Variants in SFMBT2 observed in about 807,000 individuals in gnomAD.
SFMBT2 encodes scm-like with four MBT domains protein 2.
Under a neutral mutation model 110.1 loss-of-function variants are expected in SFMBT2, and 38 were observed. The observed-to-expected ratio is 0.35, with a 90% confidence interval of 0.27 to 0.45. SFMBT2 has a LOEUF of 0.45. Ranked by LOEUF, SFMBT2 falls within the 20% of genes least tolerant of loss-of-function variation. The pLI is 1.00. For synonymous variants in SFMBT2, 425 were observed against 425.4 expected (o/e 1.00, Z 0.01); for missense variants, 1,011 against 1,094.9 (o/e 0.92, Z 1.08).
chr10:7,366,421 T>A, intron 4 of SFMBT2, among the ~76,000 whole-genome samples: 3 of 117,948 alleles, frequency 2.5e-5, no homozygotes, highest in African/African-American at 3.3e-5. Context: ...AGAAAAACAA[T>A]ATATCATAAC....
chr10:7,188,793 G>A, intron 15 of SFMBT2, 60 bp from the exon 16 acceptor site: 4 of 1,423,738 alleles, frequency 2.8e-6, no homozygotes, highest in Non-Finnish European at 3.9e-6. Flanking sequence ...ACTAACACAA[G>A]GATGCTTTGA....
chr10:7,252,583 T>C (rs978800716), intron 7 of SFMBT2, among the ~76,000 whole-genome samples: 1 of 152,150 alleles, frequency 6.6e-6, no homozygotes, highest in African/African-American at 2.4e-5. Flanking sequence ...AAACCAAGCA[T>C]GGTGGATGCG....
rs997740726 is a variant in SFMBT2, at chr10:7,163,953, C to T, written c.2545-43G>A. On this transcript the variant is annotated intron_variant, in intron 20 of 20. Transcript: ENST00000397167. The surrounding 1 kb of genome is among the most constrained non-coding windows in gnomAD (Gnocchi z 4.8). ...CAGGTTAGAGAAGGGGCAGTGTGCA[C>T]TGGGGTACACAGATGCGTCACAGCA... 3.2e-6 allele frequency: 5 copies of T among 1,580,494 alleles called. No homozygotes were observed. Among genetic ancestry groups the T allele is most frequent in the Admixed American group, 3.5e-5 (2 of 56,342 alleles).
chr10:7,172,323 C>T lies in SFMBT2; in HGVS notation c.2152-165G>A, dbSNP rs1286866694. Reference sequence around the variant, plus strand: ...ACGAGGCCCTTCCCAGCCAAAGCAGCTGGACACACTACATTTGTTTTCAGC... The same window carrying T: ...ACGAGGCCCTTCCCAGCCAAAGCAGTTGGACACACTACATTTGTTTTCAGC... On this transcript the variant is annotated intron_variant, in intron 18 of 20. Transcript: ENST00000397167. This position sits in a 1 kb window ranked among gnomAD's most constrained non-coding sequence, Gnocchi z 4.6. The T allele has an allele frequency of 2.0e-6, 2 of 985,358 alleles. No homozygotes were observed. Among genetic ancestry groups the T allele is most frequent in the East Asian group, 2.3e-4 (2 of 8,802 alleles). 61.0% of individuals were successfully genotyped at this position (985,358 alleles called of 1,614,324 possible).
At position 7,159,615 on chromosome 10, in the gene SFMBT2, T is replaced by C. The variant is rs1157061311; in HGVS notation, c.*4155A>G. On this transcript the variant is annotated 3_prime_UTR_variant, in exon 21 of 21. Coordinates refer to ENST00000397167, the MANE Select transcript of SFMBT2 (RefSeq NM_001387889.1). Reference sequence around the variant, plus strand: ...TCCTTAACAACTACAGGTTTCTTAATTGACTATGTTGCCTTTCAAATAATT... The same window carrying C: ...TCCTTAACAACTACAGGTTTCTTAACTGACTATGTTGCCTTTCAAATAATT... 2.0e-5 allele frequency: 3 copies of C among 152,168 alleles called. No homozygotes were observed. Among genetic ancestry groups the C allele is most frequent in the South Asian group, 2.1e-4 (1 of 4,810 alleles). The allele number at this position is 152,168 out of a possible 1,614,324, so 9.4% of individuals were successfully genotyped here. A position where few individuals can be genotyped will look rare whatever the true frequency, so the allele number is the denominator to read the frequency against.
intron 10 of SFMBT2, among the ~76,000 whole-genome samples, chr10:7,224,545 A>C (rs1839846068): frequency 6.6e-6 from 1 of 152,102 alleles, no homozygotes; most frequent in African/African-American, 2.4e-5. Context: ...AGTCTGAAAA[A>C]AATGGGACAA....
chr10:7,314,661 A>T (rs1842936730), intron 4 of SFMBT2, among the ~76,000 whole-genome samples: 4 of 152,200 alleles, frequency 2.6e-5, no homozygotes, highest in Admixed American at 2.6e-4. Flanking sequence ...TAATCCCAGC[A>T]CTTTGGGAGG....
At chr10:7,383,333 C>T (rs1041988524) in intron 1 of SFMBT2, among the ~76,000 whole-genome samples, 9 of 151,930 alleles carry the variant, frequency 5.9e-5, no homozygotes, top group African/African-American at 2.2e-4. Flanking sequence ...TTGAGACCCC[C>T]ATCTCTAAAT....
At position 7,220,396 on chromosome 10, in the gene SFMBT2, C is replaced by A. The variant is rs200811039; in HGVS notation, c.1330+15G>T. Reference sequence around the variant, plus strand: ...ACATTCCCCCCAGCGACTGCTACCCCCAGCGAGTACGTACCTTCCAGGTGA... The same window carrying A: ...ACATTCCCCCCAGCGACTGCTACCCACAGCGAGTACGTACCTTCCAGGTGA... On this transcript the variant is annotated intron_variant, in intron 11 of 20. Transcript: ENST00000397167. 1.7e-5 allele frequency: 28 copies of A among 1,611,950 alleles called. No individual in the cohort carries two copies. The Middle Eastern group carries it at 8.3e-4, about 48-fold the overall frequency.
At chr10:7,381,988 A>C (rs1845438161) in intron 1 of SFMBT2, 39 bp from the exon 2 acceptor site, 9 of 1,220,372 alleles carry the variant, frequency 7.4e-6, no homozygotes, top group Non-Finnish European at 1.0e-5. Context: ...GAGCAGTTTA[A>C]TCATATTGAT....
chr10:7,288,403 T>A (rs750862616), intron 4 of SFMBT2, among the ~76,000 whole-genome samples: 18 of 152,234 alleles, frequency 1.2e-4, no homozygotes, highest in Middle Eastern at 3.2e-3. Context: ...AAATGTCACC[T>A]TCCTTATTTT....
At chr10:7,368,601 C>G (rs1844977844) in intron 3 of SFMBT2, among the ~76,000 whole-genome samples, 1 of 152,228 alleles carries the variant, frequency 6.6e-6, no homozygotes, top group Non-Finnish European at 1.5e-5. Context: ...CCCCAGGACA[C>G]TATATTGTGA....
At chr10:7,257,109 A>AGGGGAGGGGC (rs1841036542) in intron 7 of SFMBT2, among the ~76,000 whole-genome samples, 1 of 60,580 alleles carries the variant, frequency 1.7e-5, no homozygotes, top group Non-Finnish European at 3.1e-5. Context: ...AGGGGAGGGG[A>AGGGGAGGGGC]GGGGAGGGGA....
chr10:7,364,371 T>C (rs1474000396), intron 4 of SFMBT2, among the ~76,000 whole-genome samples: 1 of 152,218 alleles, frequency 6.6e-6, no homozygotes, highest in Non-Finnish European at 1.5e-5. Context: ...GAACTTGTCA[T>C]TTTAAGTGTG....
rs1256647994 is a variant in SFMBT2 at position 7,200,466 on chromosome 10, A to T, written c.1506T>A (p.Pro502=). The T allele has an allele frequency of 6.2e-7, 1 of 1,601,552 alleles. No homozygotes were observed. The highest frequency in any genetic ancestry group is 1.7e-5 in the Admixed American group (1 of 58,136). ...AAAGGTCATGAGGTATTTTCTTAAC[A>T]GGCACTGTGGGCGGCAATCTGTCAA... ...QPEKQLPPTV[P]VKKIPHDLCL... is the part of the protein sequence containing the mutation. Residue 502 remains proline, a synonymous_variant, in exon 14 of 21, where the codon CCT becomes CCA. Transcript: ENST00000397167.
chr10:7,271,577 GTCCAGGGAA>G (rs1277524900), intron 7 of SFMBT2, among the ~76,000 whole-genome samples: 1 of 152,166 alleles, frequency 6.6e-6, no homozygotes, highest in Non-Finnish European at 1.5e-5. Flanking sequence ...AGGGTCAGGG[GTCCAGGGAA>G]GGATTCCTTT....
At position 7,176,513 on chromosome 10, in the gene SFMBT2, G is replaced by C. The variant is rs1838060164; in HGVS notation, c.1809-348C>G. On this transcript the variant is annotated intron_variant, in intron 16 of 20. Transcript: ENST00000397167. ...GAAATGAGGTTAGTGAAATCGAATG[G>C]GTATTTTCCTGTTGCTATCATATTT... The C allele has an allele frequency of 5.1e-6, 5 of 985,108 alleles. No individual in the cohort carries two copies. In the South Asian group the frequency reaches 1.9e-4, roughly 37 times the overall value. 61.0% of individuals were successfully genotyped at this position (985,108 alleles called of 1,614,324 possible).
rs369914970 is a variant in SFMBT2, at chr10:7,243,692, T to C, written c.986A>G (p.His329Arg). ...GTCATCAATAGTCACTTGAAAAAAG[T>C]GATTGTTAAAAACCTAAAAGAAAAA... is the stretch of plus-strand genomic sequence containing the variant. ...PASVTKVFNN[H>R]FFQVTIDDLR... The change falls in exon 9 of 21, where the codon CAC (histidine) becomes CGC (arginine). Residue 329 changes from histidine to arginine, a missense_variant. Around this residue, in one of 2 missense-constraint regions of SFMBT2, gnomAD observed 979 missense variants for 1,016.1 expected, o/e 0.96. Coordinates refer to ENST00000397167, the MANE Select transcript of SFMBT2 (RefSeq NM_001387889.1). 4.6e-6 allele frequency: 4 copies of C among 872,184 alleles called. No homozygotes were observed. Among genetic ancestry groups the C allele is most frequent in the South Asian group, 2.6e-5 (2 of 76,514 alleles). 54.0% of individuals were successfully genotyped at this position (872,184 alleles called of 1,614,324 possible).
intron 1 of SFMBT2, among the ~76,000 whole-genome samples, chr10:7,396,885 T>C (rs1027237035): frequency 4.1e-5 from 4 of 98,686 alleles, no homozygotes; most frequent in African/African-American, 8.0e-5. Context: ...CATCACACAC[T>C]GGGGCCTGTC....
Sources: gnomAD v4.1 joint callset for allele counts (sites outside exome capture counted in the v4.1 genomes callset) on GRCh38, gnomAD v4.1.1 for gene constraint, gnomAD v4.1.1 regional missense constraint, Gnocchi (gnomAD v3.1) non-coding constraint, MANE v1.5 for transcripts, NCBI Gene and HGNC (gene_info 2026-07-23, HGNC 2026-07-21) for gene names.